The following COPZ2 variants were observed in gnomAD, a reference collection of about 807,000 sequenced individuals.
COPZ2 encodes coatomer subunit zeta-2.
A neutral mutation model predicts 33.2 loss-of-function variants in COPZ2; 30 were observed. The observed-to-expected ratio is 0.90, with a 90% CI of 0.68 to 1.23. The LOEUF (loss-of-function observed/expected upper bound fraction) is 1.23. COPZ2 is among the 50% of genes most tolerant of loss of function. The pLI, the probability that COPZ2 is intolerant of heterozygous loss-of-function variation, is 0.00. For missense variants in COPZ2, 263 were observed against 262.4 expected (o/e 1.00, Z -0.02); for synonymous variants, 89 against 102.6 (o/e 0.87, Z 0.80).
intron 8 of COPZ2, among the ~76,000 whole-genome samples, chr17:48,026,999 A>AT (rs71141953): frequency 3.9e-4 from 59 of 152,226 alleles, no homozygotes; most frequent in Non-Finnish European, 7.5e-4. Flanking sequence ...ACAAATCCAT[A>AT]TAAGTGCACA....
Position 48,033,248 on chromosome 17 carries a change from A to C in COPZ2, c.323T>G (p.Leu108Arg). Residue 108 changes from leucine (L) to arginine (R), a missense_variant, in exon 4 of 9, where the codon CTC (leucine) becomes CGC (arginine). By Grantham distance (102) the Leu-to-Arg change is moderately radical. Transcript: ENST00000621465. ...GGATGAGCCCACCACGTATAGGAAG[A>C]GGTCAATGCTGTTCTTGTAGACGAT... ...MTIVYKNSID[L>R]FLYVVGSSYE... 1 of 1,613,338 alleles carries C rather than the reference A, an allele frequency of 6.2e-7. No individual in the cohort carries two copies. The highest frequency in any genetic ancestry group is 8.5e-7 in the Non-Finnish European group (1 of 1,179,506).
rs982634300 is a variant in COPZ2 at position 48,028,307 on chromosome 17, G to A, written c.585+165C>T. ...GTTGGAGAGCCCGGAGGCCTCCAGT[G>A]AGTCTTTCCAAGATATGACCTGTCA... On this transcript the variant is annotated intron_variant, in intron 8 of 8. Transcript: ENST00000621465. The surrounding 1 kb of genome is among the most constrained non-coding windows in gnomAD (Gnocchi z 4.5). 1.3e-5 allele frequency among the ~76,000 whole-genome samples: 2 copies of A among 152,182 alleles called. No homozygotes were observed. Among genetic ancestry groups the A allele is most frequent in the African/African-American group, 4.8e-5 (2 of 41,438 alleles).
At chr17:48,038,530 T>A (rs2037027241), upstream of COPZ2, among the ~76,000 whole-genome samples, 2 of 152,226 alleles carry the variant, frequency 1.3e-5, no homozygotes, top group African/African-American at 4.8e-5. Context: ...TACGTATGCA[T>A]TTACCGGTAA....
At chr17:48,033,120 G>T in intron 4 of COPZ2, 91 bp downstream of exon 4, 1 of 883,770 alleles carries the variant, frequency 1.1e-6, no homozygotes, top group Non-Finnish European at 1.8e-6. Flanking sequence ...CCAATGGTGA[G>T]CCTCCAGGTC....
At position 48,036,853 on chromosome 17, in the gene COPZ2, T is replaced by TG; in HGVS notation, c.183dup (p.Lys62GlnfsTer4). ...TCATGGGTGGGGTCAGAGGTTACCT[T>TG]GGCCAGCAGCCGGCGCCCGTCATTA... is the stretch of plus-strand genomic sequence containing the variant. On this transcript the variant is annotated frameshift_variant, in exon 2 of 9. Coordinates refer to ENST00000621465, the MANE Select transcript of COPZ2 (RefSeq NM_016429.4). LOFTEE classifies it high-confidence loss of function. 1 of 1,613,338 alleles carries TG rather than the reference T, an allele frequency of 6.2e-7. No individual in the cohort carries two copies. The highest frequency in any genetic ancestry group is 8.5e-7 in the Non-Finnish European group (1 of 1,179,750).
At chr17:48,040,379 G>A (rs2037049952), upstream of COPZ2, among the ~76,000 whole-genome samples, 1 of 149,598 alleles carries the variant, frequency 6.7e-6, no homozygotes, top group South Asian at 2.1e-4. Flanking sequence ...GGCCAATTAT[G>A]TTTGTCTTGT....
At chr17:48,044,403 CTTTTTTTTTTTT>C in the COPZ2 span, among the ~76,000 whole-genome samples, 12,092 of 101,976 alleles carry the variant, frequency 0.12, 1,208 homozygotes, top group African/African-American at 0.3. Flanking sequence ...CAATCTTTTG[CTTTTTTTTTTTT>C]TTTTTTTTTT....
At chr17:48,032,316 C>T (rs1390763583) in intron 5 of COPZ2, 83 bp from the exon 6 acceptor site, 10 of 1,150,966 alleles carry the variant, frequency 8.7e-6, no homozygotes, top group Non-Finnish European at 1.0e-5. Context: ...CCCCACTCTC[C>T]AAAGACTGCC....
intron 8 of COPZ2, chr17:48,027,762 C>T (rs1484843265): frequency 6.6e-6 from 1 of 152,316 alleles, no homozygotes; most frequent in Non-Finnish European, 1.5e-5. Context: ...AAGTTCCATA[C>T]AAGCAGGATT....
intron 3 of COPZ2, 96 bp from the exon 4 acceptor site, chr17:48,033,398 T>C (rs1435757813): frequency 1.1e-5 from 8 of 738,828 alleles, no homozygotes; most frequent in Non-Finnish European, 1.9e-5. Context: ...CCTATTTCCT[T>C]CTCCCCTTTC....
intron 5 of COPZ2, among the ~76,000 whole-genome samples, chr17:48,032,454 C>T (rs1433740890): frequency 6.6e-6 from 1 of 152,232 alleles, no homozygotes; most frequent in Non-Finnish European, 1.5e-5. Flanking sequence ...TCCAACCTCC[C>T]ATACTTTGGG....
In COPZ2 at chr17:48,032,756, T is replaced by TA. The variant is rs770030039; in HGVS notation, c.361-16dup. On this transcript the variant is annotated splice_polypyrimidine_tract_variant and intron_variant, in intron 4 of 8. Coordinates refer to ENST00000621465, the MANE Select transcript of COPZ2 (RefSeq NM_016429.4). ...ATGAGCATCAGCTGGGATGGGCAGA[T>TA]ACGGGAGGAGGAAAAGGAGAGTTTG... is the stretch of plus-strand genomic sequence containing the variant. The TA allele has an allele frequency of 6.3e-7, 1 of 1,583,840 alleles. No homozygotes were observed. The highest frequency in any genetic ancestry group is 1.8e-5 in the Admixed American group (1 of 55,436).
chr17:48,042,276 G>C (rs1193668501), upstream of COPZ2, among the ~76,000 whole-genome samples: 1 of 151,956 alleles, frequency 6.6e-6, no homozygotes, highest in Non-Finnish European at 1.5e-5. Flanking sequence ...TGGGATTACA[G>C]GTATGCGCCA....
At chr17:48,047,739 C>G in the COPZ2 span, 4 of 152,346 alleles carry the variant, frequency 2.6e-5, no homozygotes, top group Admixed American at 6.5e-5. Context: ...GAGGCGCAAC[C>G]GTCCCTCACA....
intron 2 of COPZ2, 68 bp from the exon 3 acceptor site, chr17:48,034,012 G>A (rs1039402111): frequency 2.6e-6 from 3 of 1,160,336 alleles, no homozygotes; most frequent in African/African-American, 3.1e-5. Flanking sequence ...AGATTGGGGG[G>A]CAGGAAAGAG....
chr17:48,037,253 C>A lies in COPZ2; in HGVS notation c.112-328G>T. On this transcript the variant is annotated intron_variant, in intron 1 of 8. Coordinates refer to ENST00000621465, the MANE Select transcript of COPZ2 (RefSeq NM_016429.4). This position sits in a 1 kb window ranked among gnomAD's most constrained non-coding sequence, Gnocchi z 5.6. The stretch of plus-strand genomic sequence containing the variant: ...AACCTGGGCCGGGGGGGACAGCGGG[C>A]CGAGCCTCCTTCTTCCAGCTGATCC... 1.7e-6 allele frequency: 1 copy of A among 587,758 alleles called. No homozygotes were observed. Among genetic ancestry groups the A allele is most frequent in the South Asian group, 1.5e-5 (1 of 66,156 alleles). 36.4% of individuals were successfully genotyped at this position (587,758 alleles called of 1,614,324 possible). A position where few individuals can be genotyped will look rare whatever the true frequency, so the allele number is the denominator to read the frequency against.
chr17:48,040,947 C>T (rs925584420), upstream of COPZ2, among the ~76,000 whole-genome samples: 18 of 151,438 alleles, frequency 1.2e-4, no homozygotes, highest in Non-Finnish European at 2.1e-4. Flanking sequence ...ACCAGGAGTT[C>T]GAGACCAGCC....
chr17:48,041,537 A>G (rs533830813), upstream of COPZ2, among the ~76,000 whole-genome samples: 1 of 152,220 alleles, frequency 6.6e-6, no homozygotes, highest in Non-Finnish European at 1.5e-5. Context: ...CAGGCCATGC[A>G]GACATCTGAG....
chr17:48,041,107 A>C (rs2037057080), upstream of COPZ2, among the ~76,000 whole-genome samples: 2 of 148,804 alleles, frequency 1.3e-5, no homozygotes, highest in African/African-American at 5.0e-5. Context: ...AGCCAAGATC[A>C]CACCACTGCA....
Sources: allele counts gnomAD v4.1 joint callset (sites outside exome capture counted in the v4.1 genomes callset), GRCh38; gene constraint gnomAD v4.1.1; non-coding constraint Gnocchi (gnomAD v3.1); transcripts MANE v1.5; gene names NCBI Gene and HGNC (gene_info 2026-07-23, HGNC 2026-07-21).